The following SEPTIN3 variants were observed in gnomAD, a reference collection of about 807,000 sequenced individuals.
The protein encoded by SEPTIN3 is septin 3.
In SEPTIN3, 15 loss-of-function variants were observed where a neutral mutation model predicts 45.1. That is an observed-to-expected ratio of 0.33 (90% CI 0.22 to 0.51). SEPTIN3 has a LOEUF of 0.51. Ranked by LOEUF, SEPTIN3 falls within the 20% of genes least tolerant of loss-of-function variation. The pLI is 0.97. For synonymous variants in SEPTIN3, 148 were observed against 164.8 expected (o/e 0.90, Z 0.78); for missense variants, 289 against 457.2 (o/e 0.63, Z 3.35).
At chr22:41,991,227 A>G (rs762383132) in intron 7 of SEPTIN3, among the ~76,000 whole-genome samples, 4 of 152,210 alleles carry the variant, frequency 2.6e-5, no homozygotes, top group African/African-American at 7.2e-5. Flanking sequence ...AATCAGGAAT[A>G]TAACATGCAG....
At chr22:41,980,229 C>G (rs1244259522) in intron 2 of SEPTIN3, among the ~76,000 whole-genome samples, 1 of 147,132 alleles carries the variant, frequency 6.8e-6, no homozygotes, top group African/African-American at 2.6e-5. Flanking sequence ...ACTCCGCCTT[C>G]CGATTTCAAG....
At position 41,989,624 on chromosome 22, in the gene SEPTIN3, C is replaced by T; in HGVS notation, c.2103C>T (p.Ile701=). The T allele has an allele frequency of 6.2e-7, 1 of 1,614,086 alleles. No homozygotes were observed. The highest frequency in any genetic ancestry group is 1.3e-5 in the African/African-American group (1 of 75,026). ...MKHLSKVVNI[I]PVIAKADTMT... ...ACCTCAGCAAGGTTGTGAACATCAT[C>T]CCTGTCATTGCTAAGGCTGACACCA... The change falls in exon 7 of 12, where the codon ATC becomes ATT. Residue 701 remains isoleucine, a synonymous_variant. Transcript: ENST00000644076.
intron 3 of SEPTIN3, among the ~76,000 whole-genome samples, chr22:41,984,255 T>C (rs1402490010): frequency 1.3e-5 from 2 of 151,986 alleles, no homozygotes; most frequent in Non-Finnish European, 2.9e-5. Flanking sequence ...GGGAAAACAA[T>C]GCAGGTGGGT....
At position 41,986,131 on chromosome 22, in the gene SEPTIN3, C is replaced by T; in HGVS notation, c.1825+19C>T. 2 of 1,610,544 alleles carry T rather than the reference C, an allele frequency of 1.2e-6. No individual in the cohort carries two copies. Among genetic ancestry groups the T allele is most frequent in the Non-Finnish European group, 8.5e-7 (1 of 1,178,536 alleles). On this transcript the variant is annotated intron_variant, in intron 4 of 11. Transcript: ENST00000644076. ...GGGCATGGTGAGGACCAGGCAGGGA[C>T]CCCTATGGGCTTTGTTCAGTGAGTG... is the stretch of plus-strand genomic sequence containing the variant.
In SEPTIN3 at chr22:41,994,566, C is replaced by A; in HGVS notation, c.2412-55C>A. 2 of 1,610,944 alleles carry A rather than the reference C, an allele frequency of 1.2e-6. No homozygotes were observed. Among genetic ancestry groups the A allele is most frequent in the Non-Finnish European group, 1.7e-6 (2 of 1,178,456 alleles). The stretch of plus-strand genomic sequence containing the variant: ...TCCCTCGAAGTGATGTGTGTCACCG[C>A]CTCCTCTTCCTGCCCCTAATTGCAG... On this transcript the variant is annotated intron_variant, in intron 10 of 11. Coordinates refer to ENST00000644076, the MANE Select transcript of SEPTIN3 (RefSeq NM_001363845.2). The surrounding 1 kb of genome is among the most constrained non-coding windows in gnomAD (Gnocchi z 4.2).
At chr22:41,986,466 C>T (rs1487107339) in intron 4 of SEPTIN3, among the ~76,000 whole-genome samples, 2 of 151,560 alleles carry the variant, frequency 1.3e-5, no homozygotes, top group African/African-American at 4.8e-5. Flanking sequence ...CCATCTTGGT[C>T]AACACAGTGA....
intron 5 of SEPTIN3, 139 bp from the exon 6 acceptor site, chr22:41,987,481 AGG>A: frequency 8.4e-7 from 1 of 1,184,496 alleles, no homozygotes; most frequent in Non-Finnish European, 1.2e-6. Flanking sequence ...GCGGGGGCTG[AGG>A]GGGAATCTGG....
Position 41,976,280 on chromosome 22 carries a change from C to G in SEPTIN3, c.1504+3284C>G, listed in dbSNP as rs1230279275. 6.6e-6 allele frequency: 1 copy of G among 152,344 alleles called. No individual in the cohort carries two copies. Among genetic ancestry groups the G allele is most frequent in the African/African-American group, 2.4e-5 (1 of 41,454 alleles). The allele number at this position is 152,344 out of a possible 1,614,324, so 9.4% of individuals were successfully genotyped here. A position where few individuals can be genotyped will look rare whatever the true frequency, so the allele number is the denominator to read the frequency against. ...ATCTTCCTGTCTCCTCCACTAGACC[C>G]AGAACCTTCGAGGGGAGGGATGGTT... On this transcript the variant is annotated intron_variant, in intron 2 of 11. Coordinates refer to ENST00000644076, the MANE Select transcript of SEPTIN3 (RefSeq NM_001363845.2). This position sits in a 1 kb window ranked among gnomAD's most constrained non-coding sequence, Gnocchi z 5.8.
intron 6 of SEPTIN3, among the ~76,000 whole-genome samples, chr22:41,988,948 AGACATT>A (rs1569439775): frequency 6.6e-6 from 1 of 152,098 alleles, no homozygotes; most frequent in Non-Finnish European, 1.5e-5. Context: ...CAACATGGCA[AGACATT>A]GTCTCTACAC....
At chr22:41,978,506 G>A (rs544433819) in intron 2 of SEPTIN3, among the ~76,000 whole-genome samples, 4 of 152,314 alleles carry the variant, frequency 2.6e-5, no homozygotes, top group Admixed American at 2.0e-4. Context: ...CAGGATTCAA[G>A]CCTGGGTCAC....
At chr22:41,989,486 G>A in intron 6 of SEPTIN3, 81 bp from the exon 7 acceptor site, 2 of 892,594 alleles carry the variant, frequency 2.2e-6, no homozygotes, top group Admixed American at 3.4e-5. Flanking sequence ...CTCTTCTCCT[G>A]TGGGTGTCCT....
intron 3 of SEPTIN3, among the ~76,000 whole-genome samples, chr22:41,985,227 C>T (rs1161243542): frequency 2.0e-5 from 3 of 152,182 alleles, no homozygotes; most frequent in Non-Finnish European, 4.4e-5. Context: ...TGCAGATATG[C>T]ATCTGGAAAA....
intron 2 of SEPTIN3, among the ~76,000 whole-genome samples, chr22:41,979,197 T>C (rs1022898655): frequency 5.3e-5 from 8 of 152,150 alleles, no homozygotes; most frequent in Non-Finnish European, 1.0e-4. Context: ...TAGATGCTGC[T>C]TGGGGATCTG....
intron 7 of SEPTIN3, 61 bp from the exon 8 acceptor site, chr22:41,991,512 C>CA: frequency 8.2e-7 from 1 of 1,222,128 alleles, no homozygotes; most frequent in Admixed American, 1.7e-5. Context: ...CACAGGTGCA[C>CA]ACACCCCTCT....
intron 3 of SEPTIN3, among the ~76,000 whole-genome samples, chr22:41,985,461 G>T (rs191958576): frequency 6.6e-5 from 10 of 152,310 alleles, no homozygotes; most frequent in African/African-American, 2.4e-4. Flanking sequence ...ATGTTGCTCT[G>T]CACATATTTT....
chr22:41,993,153 G>A (rs1473225311), intron 9 of SEPTIN3, among the ~76,000 whole-genome samples: 1 of 152,220 alleles, frequency 6.6e-6, no homozygotes, highest in East Asian at 1.9e-4. Context: ...TGATGATTCT[G>A]AAAGTGGTCA....
intron 2 of SEPTIN3, among the ~76,000 whole-genome samples, chr22:41,980,208 G>A (rs777840882): frequency 1.4e-5 from 2 of 139,694 alleles, no homozygotes; most frequent in African/African-American, 2.8e-5. Context: ...GCACGATCTC[G>A]GCTCACTGCA....
chr22:41,984,719 G>C (rs1398600610), intron 3 of SEPTIN3, among the ~76,000 whole-genome samples: 1 of 152,146 alleles, frequency 6.6e-6, no homozygotes, highest in Non-Finnish European at 1.5e-5. Flanking sequence ...AGTGGAGACA[G>C]GGTTTCACCA....
chr22:41,992,952 T>A (rs955120546), intron 9 of SEPTIN3, among the ~76,000 whole-genome samples, 189 bp downstream of exon 9: 1 of 152,170 alleles, frequency 6.6e-6, no homozygotes, highest in South Asian at 2.1e-4. Flanking sequence ...AGAGACTGAT[T>A]TAGCACCTGA....
Sources: allele counts gnomAD v4.1 joint callset (sites outside exome capture counted in the v4.1 genomes callset), GRCh38; gene constraint gnomAD v4.1.1; non-coding constraint Gnocchi (gnomAD v3.1); transcripts MANE v1.5; gene names NCBI Gene and HGNC (gene_info 2026-07-23, HGNC 2026-07-21).